PLTP: variants seen among roughly 807,000 people sequenced by gnomAD.
PLTP encodes phospholipid transfer protein.
Under a neutral mutation model 54.1 loss-of-function variants are expected in PLTP, and 43 were observed. That is an observed-to-expected ratio of 0.79 (90% CI 0.62 to 1.02). The LOEUF is 1.02. Among genes scored for constraint, PLTP ranks in the 50% least tolerant of loss-of-function variants. PLTP has a pLI of 0.00. For missense variants in PLTP, 604 were observed against 645.9 expected (o/e 0.94, Z 0.70); for synonymous variants, 263 against 264.6 (o/e 0.99, Z 0.06).
In PLTP at chr20:45,902,565, G is replaced by A. The variant is rs113851040; in HGVS notation, c.982C>T (p.Arg328Trp). ...VIDSPLKLEL[R>W]VLAPPRCTIK... Reference sequence around the variant, plus strand: ...GTGCAGCGCGGTGGGGCCAGGACCCGCAGCTCCAGCTTCAATGGGGAGTCA... The same window carrying A: ...GTGCAGCGCGGTGGGGCCAGGACCCACAGCTCCAGCTTCAATGGGGAGTCA... Residue 328 changes from arginine to tryptophan, a missense_variant, in exon 11 of 16, where the codon CGG (arginine) becomes TGG (tryptophan). Arg to Trp is a moderately radical substitution (Grantham distance 101). Transcript: ENST00000372431. The A allele has an allele frequency of 3.6e-5, 58 of 1,613,478 alleles. No homozygotes were observed. Among genetic ancestry groups the A allele is most frequent in the African/African-American group, 1.1e-4 (8 of 74,908 alleles).
chr20:45,906,728 TA>T (rs879320740), intron 7 of PLTP, among the ~76,000 whole-genome samples: 33,649 of 141,604 alleles, frequency 0.24, 6,428 homozygotes, highest in Middle Eastern at 0.37. Context: ...CCGTCTCTAC[TA>T]AAAATACAAA....
rs750462279 is a variant in PLTP, at chr20:45,902,656, C to A, written c.943-52G>T. The A allele has an allele frequency of 5.3e-6, 8 of 1,519,790 alleles. No individual in the cohort carries two copies. The African/African-American group carries it at 5.5e-5, about 10-fold the overall frequency. 94.1% of individuals were successfully genotyped at this position (1,519,790 alleles called of 1,614,324 possible). ...CAAGTCCCTGCCATTTCCTTTGGAG[C>A]CCCCAGGGAAGAAGGGGAAGGAAGG... On this transcript the variant is annotated intron_variant, in intron 10 of 15. Transcript: ENST00000372431.
In PLTP at chr20:45,899,633, G is replaced by A. The variant is rs1224358495; in HGVS notation, c.1271C>T (p.Pro424Leu). ...LKTMLQIGVM[P>L]MLNERTWRGV... ...CACCCCAGCCTTACCATTGAGCATG[G>A]GCATCACCCCAATCTGCAGCATGGT... Residue 424 changes from proline to leucine, a missense_variant, in exon 14 of 16, where the codon CCC (proline) becomes CTC (leucine). Physicochemically the swap from Pro to Leu is moderately conservative, Grantham distance 98 (BLOSUM62 -3). Coordinates refer to ENST00000372431, the MANE Select transcript of PLTP (RefSeq NM_006227.4). 3.7e-6 allele frequency: 6 copies of A among 1,614,128 alleles called. No individual in the cohort carries two copies. In the South Asian group the frequency reaches 5.5e-5, roughly 15 times the overall value.
Position 45,909,856 on chromosome 20 carries a change from A to C in PLTP, c.329+86T>G, listed in dbSNP as rs534424288. The C allele has an allele frequency of 4.3e-5, 66 of 1,549,964 alleles. 1 individual carries two copies. In the East Asian group the frequency reaches 1.4e-3, roughly 32 times the overall value. ...ACAGATGAAGAAACGGAAACTCAGG[A>C]AGGCTAAGGGGGCTGCCCACAGCCC... On this transcript the variant is annotated intron_variant, in intron 4 of 15. Coordinates refer to ENST00000372431, the MANE Select transcript of PLTP (RefSeq NM_006227.4).
chr20:45,908,558 G>T (rs1289653428), intron 5 of PLTP, among the ~76,000 whole-genome samples: 1 of 152,148 alleles, frequency 6.6e-6, no homozygotes, highest in Non-Finnish European at 1.5e-5. Context: ...CCAGCACTTT[G>T]GTAGGCCGAG....
Position 45,899,078 on chromosome 20 carries a change from G to C in PLTP, c.1360-15C>G, listed in dbSNP as rs2083147498. ...GTGAGGAATCCCTGTGTTGGGGAGA[G>C]GGGAGCCTCATTTATTCATTCAGTT... On this transcript the variant is annotated splice_polypyrimidine_tract_variant and intron_variant, in intron 15 of 15. Coordinates refer to ENST00000372431, the MANE Select transcript of PLTP (RefSeq NM_006227.4). The C allele has an allele frequency of 1.2e-6, 2 of 1,614,010 alleles. No individual in the cohort carries two copies. Among genetic ancestry groups the C allele is most frequent in the African/African-American group, 2.7e-5 (2 of 74,918 alleles).
At position 45,906,306 on chromosome 20, in the gene PLTP, G is replaced by T. The variant is rs1601162271; in HGVS notation, c.667C>A (p.Pro223Thr). The change falls in exon 8 of 16, where the codon CCT becomes ACT. Residue 223 changes from proline (P) to threonine (T), a missense_variant. Transcript: ENST00000372431. Reference sequence around the variant, plus strand: ...TCCAGGTTGCTGGTGGAAGCCACAGGATCCTTCATGAGGGAATAGTCAATG... The same window carrying T: ...TCCAGGTTGCTGGTGGAAGCCACAGTATCCTTCATGAGGGAATAGTCAATG... ...VGIDYSLMKD[P>T]VASTSNLDMD... is the part of the protein sequence containing the mutation. The T allele has an allele frequency of 1.2e-6, 2 of 1,614,080 alleles. No homozygotes were observed. The highest frequency in any genetic ancestry group is 1.7e-6 in the Non-Finnish European group (2 of 1,179,966).
chr20:45,899,766 G>T, intron 13 of PLTP, 70 bp downstream of exon 13: 1 of 1,598,132 alleles, frequency 6.3e-7, no homozygotes, highest in Non-Finnish European at 8.6e-7. Flanking sequence ...GCAGTTATAT[G>T]AGGAGGGGGG....
intron 3 of PLTP, 49 bp from the exon 4 acceptor site, chr20:45,910,119 C>G: frequency 1.9e-6 from 3 of 1,608,452 alleles, no homozygotes; most frequent in Non-Finnish European, 2.5e-6. Context: ...AGGGAACTTC[C>G]CCCAACGACA....
intron 5 of PLTP, among the ~76,000 whole-genome samples, chr20:45,908,780 T>TGCA: frequency 6.6e-6 from 1 of 151,724 alleles, no homozygotes; most frequent in South Asian, 2.1e-4. Flanking sequence ...CCAGGCTGGG[T>TGCA]GACACAGTGA....
At chr20:45,901,679 A>C (rs1601156495) in intron 12 of PLTP, among the ~76,000 whole-genome samples, 1 of 152,132 alleles carries the variant, frequency 6.6e-6, no homozygotes, top group Non-Finnish European at 1.5e-5. Flanking sequence ...GGGCAGGTGA[A>C]TCACCTGAGG....
At chr20:45,908,136 C>T (rs11569644) in intron 5 of PLTP, among the ~76,000 whole-genome samples, 352 of 152,274 alleles carry the variant, frequency 2.3e-3, no homozygotes, top group African/African-American at 7.9e-3. Flanking sequence ...AATCCACCCA[C>T]ATTGCCTCAA....
chr20:45,905,075 T>C lies in PLTP; in HGVS notation c.749A>G (p.Asn250Ser). ...CTGCAGCTGGGGCTCCACTGCCCGG[T>C]TGGGGAGGCTCCAGTTCCTCTCAGT... Reference protein sequence around the residue: ...PLTERNWSLPNRAVEPQLQEE... With the variant: ...PLTERNWSLPSRAVEPQLQEE... Residue 250 changes from asparagine to serine, a missense_variant, in exon 9 of 16, where the codon AAC becomes AGC. By Grantham distance (46) the Asn-to-Ser change is conservative (BLOSUM62 1). Coordinates refer to ENST00000372431, the MANE Select transcript of PLTP (RefSeq NM_006227.4). 6.2e-7 allele frequency: 1 copy of C among 1,614,004 alleles called. No individual in the cohort carries two copies. The highest frequency in any genetic ancestry group is 8.5e-7 in the Non-Finnish European group (1 of 1,179,968).
intron 12 of PLTP, among the ~76,000 whole-genome samples, chr20:45,901,257 G>T (rs1234806226): frequency 6.6e-6 from 1 of 152,208 alleles, no homozygotes; most frequent in Non-Finnish European, 1.5e-5. Context: ...CTAGAAGGCA[G>T]ATGCTACTTT....
At chr20:45,911,635 G>T in intron 1 of PLTP, 172 bp from the exon 2 acceptor site, 1 of 843,900 alleles carries the variant, frequency 1.2e-6, no homozygotes, top group Non-Finnish European at 1.8e-6. Flanking sequence ...GAGGCTCAGA[G>T]AGGCGATGCG....
At chr20:45,902,670 G>A in intron 10 of PLTP, 66 bp from the exon 11 acceptor site, 1 of 1,483,234 alleles carries the variant, frequency 6.7e-7, no homozygotes, top group Middle Eastern at 2.0e-4. Context: ...CAGGGAAGAA[G>A]GGGAAGGAAG....
intron 1 of PLTP, 136 bp from the exon 2 acceptor site, chr20:45,911,599 G>T: frequency 8.4e-7 from 1 of 1,189,606 alleles, no homozygotes; most frequent in Non-Finnish European, 1.2e-6. Flanking sequence ...CAATAATCTT[G>T]CCTCCATATG....
chr20:45,906,907 A>G lies in PLTP; in HGVS notation c.614-548T>C, dbSNP rs1260914101. On this transcript the variant is annotated intron_variant, in intron 7 of 15. Coordinates refer to ENST00000372431, the MANE Select transcript of PLTP (RefSeq NM_006227.4). ...CTCCATCTCAAAAAAAAAAAAAAAA[A>G]AAAAAGATGGCATGAGGTTCCTTTC... is the stretch of plus-strand genomic sequence containing the variant. 1.6e-5 allele frequency among the ~76,000 whole-genome samples: 2 copies of G among 123,080 alleles called. 1 individual carries two copies. The highest frequency in any genetic ancestry group is 3.9e-5 in the Non-Finnish European group (2 of 51,644). The allele number at this position is 123,080 out of a possible 152,430, so 80.7% of individuals were successfully genotyped here.
intron 3 of PLTP, 37 bp downstream of exon 3, chr20:45,911,115 C>G: frequency 6.2e-7 from 1 of 1,611,606 alleles, no homozygotes; most frequent in Non-Finnish European, 8.5e-7. Flanking sequence ...ACCGCCGAGG[C>G]CCCGCCCCGG....
Sources: gnomAD v4.1 joint callset for allele counts (sites outside exome capture counted in the v4.1 genomes callset) on GRCh38, gnomAD v4.1.1 for gene constraint, MANE v1.5 for transcripts, NCBI Gene and HGNC (gene_info 2026-07-23, HGNC 2026-07-21) for gene names.